The following SDCCAG8 variants were observed in gnomAD, a reference collection of about 807,000 sequenced individuals.
SDCCAG8 encodes the protein serologically defined colon cancer antigen 8.
Under a neutral mutation model 101.8 loss-of-function variants are expected in SDCCAG8, and 74 were observed. The ratio of observed to expected loss-of-function variants is 0.73; its 90% CI spans 0.60 to 0.88. The LOEUF (loss-of-function observed/expected upper bound fraction) is 0.88, where lower values mean the gene tolerates loss of function less well. Ranked by LOEUF, SDCCAG8 falls within the 40% of genes least tolerant of loss-of-function variation. The pLI, the probability that SDCCAG8 is intolerant of heterozygous loss-of-function variation, is 0.00. For synonymous variants in SDCCAG8, 281 were observed against 292.9 expected (o/e 0.96, Z 0.41); for missense variants, 787 against 822.6 (o/e 0.96, Z 0.53).
At chr1:243,274,401 T>C (rs2068352346) in intron 3 of SDCCAG8, 142 bp from the exon 4 acceptor site, 2 of 575,180 alleles carry the variant, frequency 3.5e-6, no homozygotes, top group Admixed American at 2.8e-5. Flanking sequence ...TACATTGTGA[T>C]CGATTCTATG....
At chr1:243,387,563 C>CT (rs2078387364) in intron 13 of SDCCAG8, among the ~76,000 whole-genome samples, 1 of 152,100 alleles carries the variant, frequency 6.6e-6, no homozygotes, top group Admixed American at 6.5e-5. Context: ...GCAACTTGAC[C>CT]TATAGGATTT....
chr1:243,401,884 G>C (rs1428843644), intron 13 of SDCCAG8, among the ~76,000 whole-genome samples: 1 of 152,064 alleles, frequency 6.6e-6, no homozygotes, highest in African/African-American at 2.4e-5. Flanking sequence ...ACTTATCAAG[G>C]TTAAAAAAGG....
intron 12 of SDCCAG8, among the ~76,000 whole-genome samples, chr1:243,353,801 A>C (rs2076237093): frequency 6.6e-6 from 1 of 152,188 alleles, no homozygotes; most frequent in Non-Finnish European, 1.5e-5. Context: ...CAGGCACAGA[A>C]GTCATGGTAT....
At chr1:243,494,662 A>C (rs1271455076) in intron 17 of SDCCAG8, among the ~76,000 whole-genome samples, 2 of 152,256 alleles carry the variant, frequency 1.3e-5, no homozygotes, top group African/African-American at 4.8e-5. Flanking sequence ...TCCAAGAGTG[A>C]GTACTTTCAG....
intron 1 of SDCCAG8, among the ~76,000 whole-genome samples, chr1:243,262,207 A>G (rs1183430505): frequency 6.8e-6 from 1 of 147,638 alleles, no homozygotes; most frequent in African/African-American, 2.4e-5. Flanking sequence ...CCTGAGTTCA[A>G]GCGATTCTCC....
At position 243,426,453 on chromosome 1, in the gene SDCCAG8, A is replaced by T. The variant is rs1410019812; in HGVS notation, c.1880A>T (p.Glu627Val). 1 of 1,612,986 alleles carries T rather than the reference A, an allele frequency of 6.2e-7. No homozygotes were observed. Among genetic ancestry groups the T allele is most frequent in the East Asian group, 2.2e-5 (1 of 44,838 alleles). ...TCTGAAATAGCTCAACTCAGTCAAG[A>T]AAAAAGGTATACATATGATAAATTG... is the stretch of plus-strand genomic sequence containing the variant. Reference protein sequence around the residue: ...TRSEIAQLSQEKRYTYDKLGK... With the variant: ...TRSEIAQLSQVKRYTYDKLGK... Residue 627 changes from glutamate to valine, a missense_variant, in exon 16 of 18, where the codon GAA becomes GTA. Physicochemically the swap from Glu to Val is moderately radical, Grantham distance 121. Transcript: ENST00000366541.
intron 9 of SDCCAG8, among the ~76,000 whole-genome samples, chr1:243,325,197 AATT>A (rs1399609631): frequency 1.3e-5 from 2 of 152,240 alleles, no homozygotes; most frequent in Non-Finnish European, 2.9e-5. Flanking sequence ...AGTGGAAGTC[AATT>A]ATTATTAATG....
At chr1:243,427,557 C>T (rs1216804590) in intron 16 of SDCCAG8, among the ~76,000 whole-genome samples, 3 of 152,164 alleles carry the variant, frequency 2.0e-5, no homozygotes, top group Admixed American at 2.0e-4. Context: ...GCTCGGCATC[C>T]CCACACCATT....
chr1:243,484,012 C>A (rs1664293272), intron 16 of SDCCAG8, among the ~76,000 whole-genome samples: 1 of 152,186 alleles, frequency 6.6e-6, no homozygotes, highest in Non-Finnish European at 1.5e-5. Flanking sequence ...GTTTGGCCCA[C>A]CCAGCTAGAG....
chr1:243,438,542 GTGTC>G (rs1230070798), intron 16 of SDCCAG8, among the ~76,000 whole-genome samples: 2 of 151,798 alleles, frequency 1.3e-5, no homozygotes, highest in Non-Finnish European at 2.9e-5. Flanking sequence ...GTGTGTGTGT[GTGTC>G]TATGCACACG....
At chr1:243,384,089 C>CA (rs1273352909) in intron 13 of SDCCAG8, among the ~76,000 whole-genome samples, 1 of 151,786 alleles carries the variant, frequency 6.6e-6, no homozygotes, top group East Asian at 1.9e-4. Flanking sequence ...ATGAATTACT[C>CA]AAAGGAGGAA....
At chr1:243,273,325 G>C (rs914664425) in intron 3 of SDCCAG8, among the ~76,000 whole-genome samples, 18 of 152,012 alleles carry the variant, frequency 1.2e-4, no homozygotes, top group African/African-American at 3.6e-4. Context: ...TTGTTTAACT[G>C]GTTGACCCTT....
intron 16 of SDCCAG8, among the ~76,000 whole-genome samples, chr1:243,466,686 GC>G (rs1660206165): frequency 1.3e-5 from 2 of 152,354 alleles, no homozygotes; most frequent in South Asian, 4.1e-4. Context: ...ACAGGAAGCA[GC>G]CTGTAATAGG....
intron 13 of SDCCAG8, among the ~76,000 whole-genome samples, chr1:243,387,323 GCTTT>G (rs1381331883): frequency 2.6e-5 from 4 of 152,016 alleles, no homozygotes; most frequent in Non-Finnish European, 5.9e-5. Flanking sequence ...ACTGCAGGAA[GCTTT>G]CTTTTGTTTA....
intron 13 of SDCCAG8, among the ~76,000 whole-genome samples, chr1:243,391,877 G>A (rs2078722632): frequency 6.6e-6 from 1 of 152,188 alleles, no homozygotes; most frequent in African/African-American, 2.4e-5. Context: ...AGTGGGTTTG[G>A]GCAGTGGTTT....
At chr1:243,267,626 G>C in intron 1 of SDCCAG8, 1 of 650,844 alleles carries the variant, frequency 1.5e-6, no homozygotes. Context: ...AAAAAGTCCC[G>C]GTCAACTGTG....
At chr1:243,295,839 G>A (rs2070818020) in intron 6 of SDCCAG8, among the ~76,000 whole-genome samples, 1 of 152,016 alleles carries the variant, frequency 6.6e-6, no homozygotes, top group Non-Finnish European at 1.5e-5. Flanking sequence ...CTGTGTTTAT[G>A]ACTATTGGAG....
intron 16 of SDCCAG8, among the ~76,000 whole-genome samples, chr1:243,431,961 A>G (rs191374047): frequency 6.6e-6 from 1 of 152,354 alleles, no homozygotes; most frequent in African/African-American, 2.4e-5. Flanking sequence ...AAGTGTAACA[A>G]TCTAGTAATG....
At chr1:243,415,565 AG>A in intron 13 of SDCCAG8, 136 bp from the exon 14 acceptor site, 1 of 1,149,508 alleles carries the variant, frequency 8.7e-7, no homozygotes, top group East Asian at 2.4e-5. Context: ...AAAGTGGGGG[AG>A]GGTCATTAGA....
Sources: allele counts gnomAD v4.1 joint callset (sites outside exome capture counted in the v4.1 genomes callset), GRCh38; gene constraint gnomAD v4.1.1; transcripts MANE v1.5; gene names NCBI Gene and HGNC (gene_info 2026-07-23, HGNC 2026-07-21).